Variants in DNAH6 observed in about 807,000 individuals in gnomAD.
The protein encoded by DNAH6 is axonemal beta dynein heavy chain 6.
In DNAH6, 340 loss-of-function variants were observed where a neutral mutation model predicts 491.4. That is an observed-to-expected ratio of 0.69 (90% CI 0.63 to 0.76). The LOEUF is 0.76. Ranked by LOEUF, DNAH6 falls within the 30% of genes least tolerant of loss-of-function variation. The pLI, the probability that DNAH6 is intolerant of heterozygous loss-of-function variation, is 0.00. For synonymous variants in DNAH6, 1,603 were observed against 1,686.1 expected, an observed-to-expected ratio of 0.95 and a Z score of 1.21; for missense variants, 4,443 against 4,972.2, an observed-to-expected ratio of 0.89 and a Z score of 3.20.
At chr2:84,583,903 G>A (rs1573103075) in intron 14 of DNAH6, 96 bp from the exon 15 acceptor site, 1 of 1,253,178 alleles carries the variant, frequency 8.0e-7, no homozygotes, top group Non-Finnish European at 1.1e-6. Context: ...CTAATACAAT[G>A]TTCATATTGT....
intron 46 of DNAH6, 51 bp downstream of exon 46, chr2:84,694,531 C>T: frequency 1.5e-6 from 2 of 1,335,954 alleles, no homozygotes; most frequent in South Asian, 2.6e-5. Flanking sequence ...ATGGGTGTTA[C>T]AATCGGGTGT....
chr2:84,634,527 C>A lies in DNAH6; in HGVS notation c.4539C>A (p.Gly1513=). 1 of 1,546,000 alleles carries A rather than the reference C, an allele frequency of 6.5e-7. No individual in the cohort carries two copies. Among genetic ancestry groups the A allele is most frequent in the African/African-American group, 1.4e-5 (1 of 72,564 alleles). ...DYKMMGRFFS[G]LAQSGAWCCF... ...AGATGATGGGGCGCTTCTTCAGTGG[C>A]TTGGCACAGTCAGGGGCCTGGTGCT... The change falls in exon 30 of 77, where the codon GGC becomes GGA. Residue 1513 remains glycine (G), a synonymous_variant. Transcript: ENST00000389394.
chr2:84,667,091 T>A (rs1172067612), intron 37 of DNAH6, among the ~76,000 whole-genome samples: 9 of 152,142 alleles, frequency 5.9e-5, no homozygotes, highest in Non-Finnish European at 1.2e-4. Context: ...TATACAAAAA[T>A]TAATTTCAAG....
chr2:84,527,177 T>C (rs1263582470), intron 3 of DNAH6, among the ~76,000 whole-genome samples: 3 of 152,092 alleles, frequency 2.0e-5, no homozygotes, highest in Non-Finnish European at 4.4e-5. Flanking sequence ...GGAAGGAAAG[T>C]TGGAGGCCTC....
intron 4 of DNAH6, among the ~76,000 whole-genome samples, chr2:84,532,840 T>C (rs541251464): frequency 6.6e-6 from 1 of 152,258 alleles, no homozygotes; most frequent in East Asian, 1.9e-4. Context: ...TGGCAAGGTA[T>C]GCTTAGAGAG....
chr2:84,608,552 A>C (rs1466030167), intron 21 of DNAH6, among the ~76,000 whole-genome samples: 1 of 152,192 alleles, frequency 6.6e-6, no homozygotes, highest in African/African-American at 2.4e-5. Flanking sequence ...AATGAGCAGT[A>C]ATATTTTGAA....
intron 29 of DNAH6, among the ~76,000 whole-genome samples, chr2:84,633,821 C>T (rs57303761): frequency 0.047 from 7,078 of 151,838 alleles, 191 homozygotes; most frequent in Middle Eastern, 0.054. Flanking sequence ...ATCAGCCTTT[C>T]TGTGATTTGT....
In DNAH6 at chr2:84,796,377, T is replaced by A; in HGVS notation, c.11311T>A (p.Phe3771Ile). The change falls in exon 69 of 77, where the codon TTT (phenylalanine) becomes ATT (isoleucine). Residue 3771 changes from phenylalanine (F) to isoleucine (I), a missense_variant. This residue lies in a region of DNAH6 where 1,463 missense variants were observed against 1,656.6 expected (regional missense o/e 0.88). Transcript: ENST00000389394. Reference protein sequence around the residue: ...QRCLRTILKRFFSPETLEEDY... With the variant: ...QRCLRTILKRIFSPETLEEDY... Reference sequence around the variant, plus strand: ...ATGCCTTCGTACTATCTTGAAAAGATTTTTTTCTCCTGAAACATTAGAAGA... The same window carrying A: ...ATGCCTTCGTACTATCTTGAAAAGAATTTTTTCTCCTGAAACATTAGAAGA... The A allele has an allele frequency of 6.6e-7, 1 of 1,522,570 alleles. No individual in the cohort carries two copies. The highest frequency in any genetic ancestry group is 8.9e-7 in the Non-Finnish European group (1 of 1,128,044). The allele number at this position is 1,522,570 out of a possible 1,614,324, so 94.3% of individuals were successfully genotyped here.
chr2:84,697,631 G>T lies in DNAH6; in HGVS notation c.7581G>T (p.Val2527=). The change falls in exon 47 of 77, where the codon GTG becomes GTT. Residue 2527 remains valine, a synonymous_variant. Coordinates refer to ENST00000389394, the MANE Select transcript of DNAH6 (RefSeq NM_001370.2). The part of the protein sequence containing the change: ...DINNILNSGE[V]PNLFEKDELE... ...ATAACATCCTGAACTCAGGTGAAGT[G>T]CCTAATTTATTTGAAAAGGATGAAC... is the stretch of plus-strand genomic sequence containing the variant. 1 of 1,552,008 alleles carries T rather than the reference G, an allele frequency of 6.4e-7. No individual in the cohort carries two copies. Among genetic ancestry groups the T allele is most frequent in the South Asian group, 1.2e-5 (1 of 84,052 alleles).
chr2:84,557,936 G>A lies in DNAH6; in HGVS notation c.1803+1G>A. ...TCACACAATTATTTCTCAAATAAAG[G>A]TATGTTTACTCTGACTAAAACTATT... On this transcript the variant is annotated splice_donor_variant, in intron 11 of 76. Coordinates refer to ENST00000389394, the MANE Select transcript of DNAH6 (RefSeq NM_001370.2). LOFTEE classifies it high-confidence loss of function. 1 of 1,585,954 alleles carries A rather than the reference G, an allele frequency of 6.3e-7. No individual in the cohort carries two copies. Among genetic ancestry groups the A allele is most frequent in the Non-Finnish European group, 8.6e-7 (1 of 1,158,084 alleles).
chr2:84,711,893 T>A (rs530292048), intron 56 of DNAH6, among the ~76,000 whole-genome samples: 16 of 152,376 alleles, frequency 1.1e-4, no homozygotes, highest in African/African-American at 3.8e-4. Flanking sequence ...AACTCAGGTT[T>A]ACTTTATGAC....
intron 14 of DNAH6, among the ~76,000 whole-genome samples, chr2:84,580,841 A>G (rs1682953389): frequency 6.6e-6 from 1 of 152,168 alleles, no homozygotes; most frequent in African/African-American, 2.4e-5. Context: ...GGAACTTCCT[A>G]TCAAGAATGT....
At chr2:84,596,852 A>G (rs1684642368) in intron 18 of DNAH6, among the ~76,000 whole-genome samples, 1 of 152,178 alleles carries the variant, frequency 6.6e-6, no homozygotes, top group Admixed American at 6.5e-5. Flanking sequence ...TAGTGTGATT[A>G]CATCATATAA....
intron 33 of DNAH6, among the ~76,000 whole-genome samples, chr2:84,649,782 C>T (rs187039442): frequency 2.2e-4 from 33 of 152,072 alleles, no homozygotes; most frequent in Middle Eastern, 3.4e-3. Flanking sequence ...AGCAAACTAA[C>T]GCAGGAACAG....
chr2:84,511,806 A>G (rs1315873065), upstream of DNAH6, among the ~76,000 whole-genome samples: 2 of 152,110 alleles, frequency 1.3e-5, no homozygotes, highest in Non-Finnish European at 2.9e-5. Context: ...TCTTCTGTTA[A>G]TATGATGTAT....
At chr2:84,787,067 C>A in intron 67 of DNAH6, 97 bp from the exon 68 acceptor site, 1 of 895,596 alleles carries the variant, frequency 1.1e-6, no homozygotes, top group East Asian at 2.8e-5. Context: ...TGTGGGGATG[C>A]CCATTTTCAA....
At chr2:84,480,111 C>T in the DNAH6 span, among the ~76,000 whole-genome samples, 1 of 152,186 alleles carries the variant, frequency 6.6e-6, no homozygotes, top group Non-Finnish European at 1.5e-5. Flanking sequence ...AAAGATGAGC[C>T]TTTACTTGAT....
intron 2 of DNAH6, among the ~76,000 whole-genome samples, chr2:84,522,616 T>G (rs1022366547): frequency 6.6e-6 from 1 of 151,632 alleles, no homozygotes. Flanking sequence ...GAGTAATATA[T>G]GGCTGTTATT....
the DNAH6 span, among the ~76,000 whole-genome samples, chr2:84,496,893 C>T: frequency 6.6e-6 from 1 of 151,890 alleles, no homozygotes; most frequent in East Asian, 1.9e-4. Context: ...CAGGTAATAA[C>T]TGATCTATTC....
Sources: gnomAD v4.1 joint callset for allele counts (sites outside exome capture counted in the v4.1 genomes callset) on GRCh38, gnomAD v4.1.1 for gene constraint, gnomAD v4.1.1 regional missense constraint, MANE v1.5 for transcripts, NCBI Gene and HGNC (gene_info 2026-07-23, HGNC 2026-07-21) for gene names.